The following STMN2 variants were observed in gnomAD, a reference collection of about 807,000 sequenced individuals.
The protein encoded by STMN2 is stathmin-2.
STMN2 carries 2 observed loss-of-function variants against 24.1 expected under a neutral mutation model. The observed-to-expected ratio is 0.08, with a 90% CI of 0.03 to 0.26. The LOEUF (loss-of-function observed/expected upper bound fraction) is 0.26. Among genes scored for constraint, STMN2 ranks in the 10% least tolerant of loss-of-function variants. STMN2 has a pLI of 1.00. For missense variants in STMN2, 114 were observed against 213.6 expected (o/e 0.53, Z 2.91); for synonymous variants, 83 against 77.5 (o/e 1.07, Z -0.37).
Position 79,611,220 on chromosome 8 carries a change from G to A in STMN2, c.19+6G>A. ...AATGGCTAAAACAGCAATGGGTAAGGCACTGCGCCTCGTTCTCCGTCGGCT... is the reference window on the plus strand; with the variant it reads ...AATGGCTAAAACAGCAATGGGTAAGACACTGCGCCTCGTTCTCCGTCGGCT... On this transcript the variant is annotated splice_donor_region_variant and intron_variant, in intron 1 of 4. Transcript: ENST00000220876. 6.2e-7 allele frequency: 1 copy of A among 1,614,006 alleles called. No individual in the cohort carries two copies. Among genetic ancestry groups the A allele is most frequent in the Non-Finnish European group, 8.5e-7 (1 of 1,180,026 alleles).
At chr8:79,648,357 T>C (rs1411069740) in intron 3 of STMN2, among the ~76,000 whole-genome samples, 4 of 152,024 alleles carry the variant, frequency 2.6e-5, no homozygotes, top group Non-Finnish European at 4.4e-5. Flanking sequence ...ATCCAGTTTC[T>C]GACCTCACAG....
chr8:79,659,687 G>A (rs79921440), intron 4 of STMN2, among the ~76,000 whole-genome samples: 2,919 of 152,194 alleles, frequency 0.019, 111 homozygotes, highest in African/African-American at 0.067. Flanking sequence ...AAATATTTAC[G>A]TGTAAACATA....
chr8:79,629,538 T>G (rs970777036), intron 1 of STMN2, among the ~76,000 whole-genome samples: 6 of 152,210 alleles, frequency 3.9e-5, no homozygotes, highest in African/African-American at 1.4e-4. Flanking sequence ...AATGCAACTT[T>G]AGAAAACTGT....
At chr8:79,663,261 G>T (rs1401676513) in intron 4 of STMN2, among the ~76,000 whole-genome samples, 2 of 152,082 alleles carry the variant, frequency 1.3e-5, no homozygotes, top group Admixed American at 1.3e-4. Context: ...CATTGAAATT[G>T]TATAGCAGTG....
chr8:79,651,361 C>G (rs780687262), intron 3 of STMN2, among the ~76,000 whole-genome samples: 1 of 152,144 alleles, frequency 6.6e-6, no homozygotes, highest in Non-Finnish European at 1.5e-5. Flanking sequence ...AGTACTAACC[C>G]CATTAAATTG....
chr8:79,642,462 A>G (rs749752282), intron 3 of STMN2, among the ~76,000 whole-genome samples: 2 of 152,184 alleles, frequency 1.3e-5, no homozygotes, highest in Non-Finnish European at 2.9e-5. Context: ...ATTTCCCAAT[A>G]TTTTTTATGA....
intron 3 of STMN2, among the ~76,000 whole-genome samples, chr8:79,643,149 G>GTATATATATATATATATA (rs201477262): frequency 1.4e-5 from 2 of 140,102 alleles, no homozygotes; most frequent in African/African-American, 5.3e-5. Flanking sequence ...ATGTGTGTGT[G>GTATATATATATATATATA]TATATATATA....
chr8:79,647,093 G>A (rs759766761), intron 3 of STMN2, among the ~76,000 whole-genome samples: 5 of 152,138 alleles, frequency 3.3e-5, no homozygotes, highest in African/African-American at 7.2e-5. Context: ...CCTGGCCCAC[G>A]GGTTAGCAAC....
At chr8:79,631,464 A>C (rs1412171627) in intron 1 of STMN2, 2 of 984,252 alleles carry the variant, frequency 2.0e-6, no homozygotes, top group South Asian at 4.7e-5. Flanking sequence ...TTCTAAAGCA[A>C]TTAGCATTAC....
At chr8:79,633,408 C>T (rs1245906425) in intron 1 of STMN2, among the ~76,000 whole-genome samples, 1 of 152,182 alleles carries the variant, frequency 6.6e-6, no homozygotes, top group Non-Finnish European at 1.5e-5. Context: ...TGTCCCCAGA[C>T]CACCTCGAAC....
At position 79,661,978 on chromosome 8, in the gene STMN2, T is replaced by C. The variant is rs527994478; in HGVS notation, c.481-2837T>C. Among the ~76,000 whole-genome samples the C allele has an allele frequency of 3.3e-5, 5 of 152,268 alleles. No homozygotes were observed. The South Asian group carries it at 8.3e-4, about 25-fold the overall frequency. On this transcript the variant is annotated intron_variant, in intron 4 of 4. Coordinates refer to ENST00000220876, the MANE Select transcript of STMN2 (RefSeq NM_007029.4). ...ATTAGGCTCATATGACAGAATTCCATAGATGGAATTGACATCCTAGGTCAT... is the reference window on the plus strand; with the variant it reads ...ATTAGGCTCATATGACAGAATTCCACAGATGGAATTGACATCCTAGGTCAT...
rs572918660 is a variant in STMN2, at chr8:79,653,172, T to C, written c.289-1699T>C. Among the ~76,000 whole-genome samples the C allele has an allele frequency of 4.0e-5, 6 of 150,554 alleles. No homozygotes were observed. The East Asian group carries it at 9.8e-4, about 25-fold the overall frequency. ...GCGGGTGGATCACTTAAGCCAGGAG[T>C]TCAAGACTAGCCTGGCCAACATGAC... On this transcript the variant is annotated intron_variant, in intron 3 of 4. Transcript: ENST00000220876.
intron 3 of STMN2, among the ~76,000 whole-genome samples, chr8:79,648,282 T>C (rs1407452558): frequency 6.6e-6 from 1 of 152,080 alleles, no homozygotes; most frequent in African/African-American, 2.4e-5. Context: ...AATTGGAAGG[T>C]TACTCTACAA....
At chr8:79,637,934 A>G (rs963701543) in intron 2 of STMN2, among the ~76,000 whole-genome samples, 4 of 152,248 alleles carry the variant, frequency 2.6e-5, no homozygotes, top group African/African-American at 9.6e-5. Flanking sequence ...ATCGTAGCAC[A>G]AAAATCATAA....
At chr8:79,661,914 A>C (rs184611276) in intron 4 of STMN2, among the ~76,000 whole-genome samples, 3 of 152,266 alleles carry the variant, frequency 2.0e-5, no homozygotes, top group Admixed American at 6.5e-5. Context: ...ATTAGTAAAA[A>C]GAAGGATTTT....
chr8:79,641,045 C>T (rs1810084997), intron 2 of STMN2, among the ~76,000 whole-genome samples: 1 of 152,150 alleles, frequency 6.6e-6, no homozygotes, highest in South Asian at 2.1e-4. Flanking sequence ...TCATGCAAAG[C>T]TCATATTTGT....
At chr8:79,639,887 A>G (rs577954172) in intron 2 of STMN2, among the ~76,000 whole-genome samples, 34 of 152,360 alleles carry the variant, frequency 2.2e-4, no homozygotes, top group African/African-American at 7.2e-4. Context: ...TGTTATTAAC[A>G]ATAGTCAGCA....
At chr8:79,622,718 T>G (rs1307758197) in intron 1 of STMN2, among the ~76,000 whole-genome samples, 1 of 152,204 alleles carries the variant, frequency 6.6e-6, no homozygotes, top group African/African-American at 2.4e-5. Context: ...TCAATAAAAC[T>G]GAGCCTTCTT....
rs1809311534 is a variant in STMN2 at position 79,613,838 on chromosome 8, T to C, written c.19+2624T>C. ...TTCCTGCCAGGATTATGTATGTTCA[T>C]GTGGCTAAGATACATGTGCAAGTGC... On this transcript the variant is annotated intron_variant, in intron 1 of 4. Transcript: ENST00000220876. 6 of 985,124 alleles carry C rather than the reference T, an allele frequency of 6.1e-6. No homozygotes were observed. The South Asian group carries it at 2.8e-4, about 46-fold the overall frequency. The allele number at this position is 985,124 out of a possible 1,614,324, so 61.0% of individuals were successfully genotyped here.
Sources: allele counts gnomAD v4.1 joint callset (sites outside exome capture counted in the v4.1 genomes callset), GRCh38; gene constraint gnomAD v4.1.1; transcripts MANE v1.5; gene names NCBI Gene and HGNC (gene_info 2026-07-23, HGNC 2026-07-21).